ZNF324B: variants seen among roughly 807,000 people sequenced by gnomAD.
ZNF324B encodes the protein zinc finger protein 324B.
Under a neutral mutation model 10.6 loss-of-function variants are expected in ZNF324B, and 7 were observed. The observed-to-expected ratio is 0.66, with a 90% CI of 0.38 to 1.24. The LOEUF (loss-of-function observed/expected upper bound fraction) is 1.24, where lower values mean the gene tolerates loss of function less well. ZNF324B is among the 50% of genes most tolerant of loss of function. The probability of loss-of-function intolerance (pLI) is 0.02; values close to 1 mark genes in which losing one functional copy is unlikely to be tolerated. For missense variants in ZNF324B, 640 were observed against 764.7 expected (o/e 0.84, Z 1.92); for synonymous variants, 316 against 321.0 (o/e 0.98, Z 0.17).
At chr19:58,452,327 C>G (rs868476229) in intron 1 of ZNF324B, 1 of 137,692 alleles carries the variant, frequency 7.3e-6, no homozygotes, top group Non-Finnish European at 1.5e-5. Context: ...GGCTTTATCT[C>G]GAGGGCGTCG....
the ZNF324B span, chr19:58,435,171 C>T: frequency 3.7e-5 from 59 of 1,614,090 alleles, no homozygotes; most frequent in African/African-American, 4.0e-4. Context: ...AAACATTCTG[C>T]TTGGGATGGG....
At chr19:58,435,246 C>G in the ZNF324B span, 3 of 1,583,192 alleles carry the variant, frequency 1.9e-6, no homozygotes, top group South Asian at 1.1e-5. Context: ...ACTAAGAATT[C>G]CACTTGGTGG....
At chr19:58,427,458 C>CT in the ZNF324B span, among the ~76,000 whole-genome samples, 5 of 80,106 alleles carry the variant, frequency 6.2e-5, no homozygotes, top group African/African-American at 3.7e-4. Flanking sequence ...CTTTCCCTTC[C>CT]TTCCTTCCTT....
chr19:58,435,374 G>A, the ZNF324B span: 1 of 769,722 alleles, frequency 1.3e-6, no homozygotes, highest in Non-Finnish European at 2.0e-6. Flanking sequence ...ATTACTATTG[G>A]CAGGATAGGG....
chr19:58,454,167 C>A, intron 2 of ZNF324B, 61 bp from the exon 3 acceptor site: 1 of 1,097,466 alleles, frequency 9.1e-7, no homozygotes, highest in South Asian at 1.3e-5. Flanking sequence ...GACTCCTGCT[C>A]TCTGTTGGGA....
At chr19:58,444,805 T>G in the ZNF324B span, 1 of 152,256 alleles carries the variant, frequency 6.6e-6, no homozygotes, top group Non-Finnish European at 1.5e-5. Flanking sequence ...CCTTCACTTT[T>G]GTCTTCATCC....
At chr19:58,433,676 G>A in the ZNF324B span, 2 of 1,614,008 alleles carry the variant, frequency 1.2e-6, no homozygotes, top group Non-Finnish European at 1.7e-6. Context: ...TGAACTTTCT[G>A]ATGCTTAATG....
intron 1 of ZNF324B, 105 bp from the exon 2 acceptor site, chr19:58,453,591 A>G (rs2052883106): frequency 2.7e-6 from 4 of 1,504,838 alleles, no homozygotes; most frequent in Non-Finnish European, 3.7e-6. Flanking sequence ...GTGGAACCCA[A>G]GGAAGGAGGG....
rs1455145257 is a variant in ZNF324B at position 58,457,413 on chromosome 19, G to C, written c.*834G>C. The C allele has an allele frequency of 2.6e-5, 4 of 152,452 alleles. No homozygotes were observed. The highest frequency in any genetic ancestry group is 1.3e-4 in the Admixed American group (2 of 15,284). The allele number at this position is 152,452 out of a possible 1,614,324, so 9.4% of individuals were successfully genotyped here. A position where few individuals can be genotyped will look rare whatever the true frequency, so the allele number is the denominator to read the frequency against. On this transcript the variant is annotated 3_prime_UTR_variant, in exon 4 of 4. Transcript: ENST00000336614. ...GCCTGTCGCTCACTCATTTACAAAAGTCGATGTGAGGAGGAGCCTTTACAC... is the reference window on the plus strand; with the variant it reads ...GCCTGTCGCTCACTCATTTACAAAACTCGATGTGAGGAGGAGCCTTTACAC...
At chr19:58,434,010 C>A in the ZNF324B span, 1 of 1,614,200 alleles carries the variant, frequency 6.2e-7, no homozygotes, top group Non-Finnish European at 8.5e-7. Context: ...TGTGAACTTT[C>A]TGATGTCGAA....
the ZNF324B span, chr19:58,440,501 T>C: frequency 1.3e-5 from 2 of 152,718 alleles, no homozygotes; most frequent in African/African-American, 4.8e-5. Context: ...CGATTTTGTC[T>C]GCTTCTGAAG....
At chr19:58,453,442 C>T (rs959176954) in intron 1 of ZNF324B, among the ~76,000 whole-genome samples, 5 of 152,194 alleles carry the variant, frequency 3.3e-5, no homozygotes, top group African/African-American at 1.2e-4. Context: ...GCTAAGGGCC[C>T]AGCCAGGGCT....
chr19:58,429,964 C>T, the ZNF324B span: 1 of 152,236 alleles, frequency 6.6e-6, no homozygotes, highest in African/African-American at 2.4e-5. Flanking sequence ...ATGCTCTCCC[C>T]TTGACTGTGG....
chr19:58,445,129 A>C, the ZNF324B span: 7 of 291,616 alleles, frequency 2.4e-5, no homozygotes, highest in South Asian at 6.0e-5. Context: ...TTTCATTAGC[A>C]AAAACAAATT....
the ZNF324B span, among the ~76,000 whole-genome samples, chr19:58,436,642 T>TG: frequency 1.7e-5 from 2 of 119,324 alleles, no homozygotes; most frequent in Non-Finnish European, 3.2e-5. Context: ...CACTCCAGCC[T>TG]GGGGGACAGA....
chr19:58,439,870 T>G, the ZNF324B span: 2 of 1,523,382 alleles, frequency 1.3e-6, no homozygotes, highest in South Asian at 1.2e-5. Flanking sequence ...CCCTCACACT[T>G]CCGCTGGGTG....
the ZNF324B span, chr19:58,444,902 T>G: frequency 1.9e-5 from 3 of 154,762 alleles, no homozygotes; most frequent in Admixed American, 2.0e-4. Context: ...TCTACCTCCT[T>G]TGAGCACCAA....
At chr19:58,435,353 A>C in the ZNF324B span, 1 of 912,666 alleles carries the variant, frequency 1.1e-6, no homozygotes, top group East Asian at 2.6e-5. Flanking sequence ...CATCAGGGTG[A>C]AGAAGGGCCC....
At chr19:58,449,449 GTAGA>G (rs2122331328), upstream of ZNF324B, among the ~76,000 whole-genome samples, 1 of 152,282 alleles carries the variant, frequency 6.6e-6, no homozygotes, top group Admixed American at 6.5e-5. Context: ...CTCCAGAATG[GTAGA>G]TACAACCAAC....
Sources: allele counts gnomAD v4.1 joint callset (sites outside exome capture counted in the v4.1 genomes callset), GRCh38; gene constraint gnomAD v4.1.1; transcripts MANE v1.5; gene names NCBI Gene and HGNC (gene_info 2026-07-23, HGNC 2026-07-21).